The following CSMD1 variants were observed in gnomAD, a reference collection of about 807,000 sequenced individuals.
CSMD1 encodes CUB and sushi domain-containing protein 1.
Under a neutral mutation model 417.5 loss-of-function variants are expected in CSMD1, and 213 were observed. That is an observed-to-expected ratio of 0.51 (90% confidence interval 0.46 to 0.57). CSMD1 has a LOEUF of 0.57. Ranked by LOEUF, CSMD1 falls within the 20% of genes least tolerant of loss-of-function variation. The pLI, the probability that CSMD1 is intolerant of heterozygous loss-of-function variation, is 0.00. For missense variants in CSMD1, 6,923 were observed against 4,529.7 expected, an observed-to-expected ratio of 1.53 and a Z score of -15.17; for synonymous variants, 2,862 against 1,736.8, an observed-to-expected ratio of 1.65 and a Z score of -16.11.
intron 10 of CSMD1, among the ~76,000 whole-genome samples, chr8:3,559,099 T>C (rs1799355490): frequency 6.6e-6 from 1 of 152,184 alleles, no homozygotes; most frequent in African/African-American, 2.4e-5. Flanking sequence ...CATCCTCTGA[T>C]TTTAACTTTG....
At chr8:4,365,389 G>A (rs943028768) in intron 3 of CSMD1, among the ~76,000 whole-genome samples, 3 of 152,108 alleles carry the variant, frequency 2.0e-5, no homozygotes, top group African/African-American at 4.8e-5. Context: ...TATTTTAGGT[G>A]TTCTTTTTAA....
chr8:4,751,353 T>G (rs1056021786), intron 1 of CSMD1, among the ~76,000 whole-genome samples: 3 of 150,816 alleles, frequency 2.0e-5, no homozygotes, highest in African/African-American at 7.3e-5. Context: ...ATAGCGCCAC[T>G]GCACTCCAGC....
intron 2 of CSMD1, among the ~76,000 whole-genome samples, chr8:4,427,873 G>C (rs971979129): frequency 1.3e-5 from 2 of 151,982 alleles, no homozygotes; most frequent in Non-Finnish European, 2.9e-5. Flanking sequence ...TTAAAGTCAG[G>C]GATCACTACT....
chr8:3,232,014 G>A (rs1268813061), intron 26 of CSMD1, among the ~76,000 whole-genome samples: 1 of 152,168 alleles, frequency 6.6e-6, no homozygotes, highest in Non-Finnish European at 1.5e-5. Flanking sequence ...ATATATACAT[G>A]TGTGTATCTA....
At chr8:4,743,260 T>C (rs896591959) in intron 1 of CSMD1, among the ~76,000 whole-genome samples, 5 of 152,162 alleles carry the variant, frequency 3.3e-5, no homozygotes, top group Non-Finnish European at 5.9e-5. Context: ...TGTGAAAAAT[T>C]TGATGAAGGA....
At chr8:4,649,559 T>C (rs1456618279) in intron 1 of CSMD1, among the ~76,000 whole-genome samples, 3 of 152,226 alleles carry the variant, frequency 2.0e-5, no homozygotes, top group Admixed American at 6.5e-5. Flanking sequence ...AGAAATGATA[T>C]AGTATTTTTT....
intron 5 of CSMD1, among the ~76,000 whole-genome samples, chr8:3,938,215 C>T (rs778837729): frequency 2.5e-4 from 38 of 151,968 alleles, no homozygotes; most frequent in Non-Finnish European, 3.8e-4. Context: ...AACATCCAGT[C>T]ACTGATGAAG....
chr8:3,109,833 CA>C (rs1323037893), intron 43 of CSMD1, among the ~76,000 whole-genome samples: 1 of 151,658 alleles, frequency 6.6e-6, no homozygotes. Context: ...ATACACAAGC[CA>C]CACACACCAC....
chr8:4,935,219 T>C (rs896957969), intron 1 of CSMD1, among the ~76,000 whole-genome samples: 1 of 152,222 alleles, frequency 6.6e-6, no homozygotes, highest in African/African-American at 2.4e-5. Flanking sequence ...ATGTGGTCCC[T>C]GGATCCAGAG....
chr8:3,439,505 GTC>G (rs1320168709), intron 12 of CSMD1, among the ~76,000 whole-genome samples: 83 of 145,806 alleles, frequency 5.7e-4, no homozygotes, highest in Middle Eastern at 3.5e-3. Context: ...GTGTGTGTGT[GTC>G]TGTGTGTGTG....
At chr8:4,001,387 G>A (rs896467643) in intron 4 of CSMD1, among the ~76,000 whole-genome samples, 2 of 152,160 alleles carry the variant, frequency 1.3e-5, no homozygotes, top group Admixed American at 6.5e-5. Context: ...CTGCTGGAAG[G>A]TTCGATGACC....
chr8:3,566,393 G>A (rs76281339), intron 10 of CSMD1, among the ~76,000 whole-genome samples: 73 of 152,066 alleles, frequency 4.8e-4, no homozygotes, highest in African/African-American at 1.6e-3. Context: ...AAATACGAAC[G>A]GACCCAGGAC....
intron 5 of CSMD1, among the ~76,000 whole-genome samples, chr8:3,800,439 T>C (rs1193345817): frequency 6.6e-6 from 1 of 152,130 alleles, no homozygotes. Flanking sequence ...ATAGTATAAA[T>C]TCTACAAAAA....
At chr8:4,048,156 G>A (rs1410334024) in intron 3 of CSMD1, among the ~76,000 whole-genome samples, 2 of 152,078 alleles carry the variant, frequency 1.3e-5, no homozygotes, top group African/African-American at 2.4e-5. Flanking sequence ...ATGAATGTAC[G>A]CAGTCAGACT....
intron 1 of CSMD1, among the ~76,000 whole-genome samples, chr8:4,818,848 A>C (rs1411746945): frequency 1.3e-5 from 2 of 152,238 alleles, no homozygotes; most frequent in Non-Finnish European, 2.9e-5. Flanking sequence ...CATTTTTCCC[A>C]CTTCACAGAT....
In CSMD1 at chr8:4,320,356, ACCTTTT is replaced by A. The variant is rs1156265857; in HGVS notation, c.415+99591_415+99596del. On this transcript the variant is annotated intron_variant, in intron 3 of 69. Transcript: ENST00000635120. ...CTTCCACAAGTCATCACACAAATAAACCTTTTTTATTATTATTATACTTTAAGTTGT... is the reference window on the plus strand; with the variant it reads ...CTTCCACAAGTCATCACACAAATAAATTATTATTATTATACTTTAAGTTGT... 1.6e-3 allele frequency among the ~76,000 whole-genome samples: 249 copies of A among 152,112 alleles called. 1 individual carries two copies. The highest frequency in any genetic ancestry group is 6.8e-3 in the Middle Eastern group (2 of 294).
chr8:4,957,141 T>G (rs1365937841), intron 1 of CSMD1, among the ~76,000 whole-genome samples: 1 of 152,204 alleles, frequency 6.6e-6, no homozygotes, highest in East Asian at 1.9e-4. Context: ...AAATGAAATC[T>G]GGCAATTAGG....
At chr8:3,651,538 G>A (rs1797857718) in intron 7 of CSMD1, among the ~76,000 whole-genome samples, 1 of 152,094 alleles carries the variant, frequency 6.6e-6, no homozygotes, top group South Asian at 2.1e-4. Context: ...CTCCTCCAAT[G>A]TCATGGTATT....
chr8:3,121,469 C>T (rs1301285165), intron 41 of CSMD1, among the ~76,000 whole-genome samples: 1 of 152,120 alleles, frequency 6.6e-6, no homozygotes, highest in Non-Finnish European at 1.5e-5. Flanking sequence ...GTGGGAAGAA[C>T]ACTATGTGAG....
Sources: gnomAD v4.1 joint callset for allele counts (sites outside exome capture counted in the v4.1 genomes callset) on GRCh38, gnomAD v4.1.1 for gene constraint, MANE v1.5 for transcripts, NCBI Gene and HGNC (gene_info 2026-07-23, HGNC 2026-07-21) for gene names.